Variants in SPEF2 observed in about 807,000 individuals in gnomAD.
SPEF2 encodes sperm flagellar and cilia associated 2, also known as sperm flagella and cilia-associated protein 2.
SPEF2 carries 187 observed loss-of-function variants against 224.6 expected under a neutral mutation model. The ratio of observed to expected loss-of-function variants is 0.83; its 90% CI spans 0.74 to 0.94. The LOEUF (loss-of-function observed/expected upper bound fraction) is 0.94, where lower values mean the gene tolerates loss of function less well. Among genes scored for constraint, SPEF2 ranks in the 40% least tolerant of loss-of-function variants. The probability of loss-of-function intolerance (pLI) is 0.00; values close to 1 mark genes in which losing one functional copy is unlikely to be tolerated. For synonymous variants in SPEF2, 715 were observed against 707.3 expected (o/e 1.01, Z -0.17); for missense variants, 2,170 against 2,135.6 (o/e 1.02, Z -0.32).
At chr5:35,784,007 A>C (rs1754719288) in intron 30 of SPEF2, among the ~76,000 whole-genome samples, 1 of 152,198 alleles carries the variant, frequency 6.6e-6, no homozygotes, top group East Asian at 1.9e-4. Flanking sequence ...AACATAGTTT[A>C]GCAAATTCTA....
At chr5:35,811,847 C>T (rs1490234028) in intron 36 of SPEF2, among the ~76,000 whole-genome samples, 2 of 144,510 alleles carry the variant, frequency 1.4e-5, no homozygotes, top group Non-Finnish European at 3.0e-5. Flanking sequence ...TTCAGTGGTG[C>T]AATCTTGGCT....
At chr5:35,754,176 A>G (rs1019727880) in intron 24 of SPEF2, among the ~76,000 whole-genome samples, 4 of 152,198 alleles carry the variant, frequency 2.6e-5, no homozygotes, top group African/African-American at 9.6e-5. Context: ...CTGAAAATAA[A>G]AAGTTTTCCA....
At chr5:35,778,269 A>G (rs1416884251) in intron 29 of SPEF2, among the ~76,000 whole-genome samples, 3 of 152,214 alleles carry the variant, frequency 2.0e-5, no homozygotes. Context: ...AAACTTCTCT[A>G]GCCTTTAAAA....
intron 8 of SPEF2, among the ~76,000 whole-genome samples, chr5:35,660,236 A>T (rs1019434846): frequency 6.6e-6 from 1 of 152,172 alleles, no homozygotes; most frequent in African/African-American, 2.4e-5. Flanking sequence ...GGGATGTTTC[A>T]GATTTATTTA....
At chr5:35,629,472 GAGA>G (rs980817187) in intron 2 of SPEF2, among the ~76,000 whole-genome samples, 2 of 152,002 alleles carry the variant, frequency 1.3e-5, no homozygotes, top group Admixed American at 6.6e-5. Context: ...CTTCTTTTAA[GAGA>G]AGAAGTGAAA....
chr5:35,633,330 T>C (rs1227178346), intron 2 of SPEF2, among the ~76,000 whole-genome samples: 3 of 152,122 alleles, frequency 2.0e-5, no homozygotes, highest in Non-Finnish European at 4.4e-5. Flanking sequence ...TAGATGCATA[T>C]ATGTTTATAA....
intron 24 of SPEF2, among the ~76,000 whole-genome samples, chr5:35,756,334 C>A (rs1275455222): frequency 6.6e-6 from 1 of 152,150 alleles, no homozygotes; most frequent in Non-Finnish European, 1.5e-5. Context: ...ACTCATCCCC[C>A]ATGGATAAGG....
intron 10 of SPEF2, chr5:35,675,609 C>T (rs1277065408): frequency 5.9e-6 from 1 of 169,710 alleles, no homozygotes; most frequent in Non-Finnish European, 1.3e-5. Context: ...GGCGCAATCT[C>T]GGCTGGCTGC....
intron 4 of SPEF2, 45 bp downstream of exon 4, chr5:35,644,570 A>G: frequency 6.8e-7 from 1 of 1,470,688 alleles, no homozygotes; most frequent in Non-Finnish European, 9.2e-7. Context: ...TGCATAGTAT[A>G]CAGTTTGTGA....
chr5:35,673,160 T>A (rs1751424753), intron 10 of SPEF2, among the ~76,000 whole-genome samples: 1 of 152,108 alleles, frequency 6.6e-6, no homozygotes, highest in Non-Finnish European at 1.5e-5. Context: ...AACATTGAGT[T>A]ATTTAGTAGA....
chr5:35,713,142 T>C (rs1348562070), intron 20 of SPEF2, among the ~76,000 whole-genome samples: 1 of 152,190 alleles, frequency 6.6e-6, no homozygotes, highest in Admixed American at 6.5e-5. Flanking sequence ...TTATCAGAGA[T>C]ATTTTAGCTG....
intron 2 of SPEF2, among the ~76,000 whole-genome samples, chr5:35,640,006 A>G (rs1746376263): frequency 6.6e-6 from 1 of 152,152 alleles, no homozygotes; most frequent in African/African-American, 2.4e-5. Context: ...TAAGCTTCCA[A>G]AGAGAAGTAT....
In SPEF2 at chr5:35,814,504, G is replaced by A. The variant is rs755690345; in HGVS notation, c.5420G>A (p.Gly1807Glu). ...CTCCAAAGGAGTGAACATGTACAAG[G>A]AAGTGATGGAGAGAGATCACCTTCA... Reference protein sequence around the residue: ...IILQRSEHVQGSDGERSPSRH... With the variant: ...IILQRSEHVQESDGERSPSRH... Residue 1807 changes from glycine to glutamate, a missense_variant, in exon 37 of 37, where the codon GGA (glycine) becomes GAA (glutamate). Gly to Glu is a moderately conservative substitution (Grantham distance 98). Transcript: ENST00000356031. 2 of 1,609,248 alleles carry A rather than the reference G, an allele frequency of 1.2e-6. No individual in the cohort carries two copies. Among genetic ancestry groups the A allele is most frequent in the Non-Finnish European group, 1.7e-6 (2 of 1,177,288 alleles).
intron 26 of SPEF2, among the ~76,000 whole-genome samples, chr5:35,770,001 G>C (rs1212420518): frequency 7.4e-4 from 102 of 137,930 alleles, no homozygotes; most frequent in South Asian, 1.3e-3. Context: ...GTGTGTGTGT[G>C]TGTGTGTGTG....
chr5:35,642,138 G>A (rs927686808), intron 3 of SPEF2, among the ~76,000 whole-genome samples: 1 of 152,146 alleles, frequency 6.6e-6, no homozygotes, highest in Non-Finnish European at 1.5e-5. Flanking sequence ...CTGCTAAAAT[G>A]TCTCTCAATC....
At chr5:35,639,206 A>G (rs2149395857) in intron 2 of SPEF2, among the ~76,000 whole-genome samples, 1 of 152,276 alleles carries the variant, frequency 6.6e-6, no homozygotes, top group South Asian at 2.1e-4. Context: ...TGCTTGTCAT[A>G]TACTACAAAG....
chr5:35,730,953 C>T (rs1030931821), intron 21 of SPEF2, among the ~76,000 whole-genome samples: 6 of 152,132 alleles, frequency 3.9e-5, no homozygotes, highest in East Asian at 3.9e-4. Flanking sequence ...GAGCAGTAGG[C>T]GGGGGATACT....
At chr5:35,630,655 C>T (rs1744960749) in intron 2 of SPEF2, among the ~76,000 whole-genome samples, 1 of 151,964 alleles carries the variant, frequency 6.6e-6, no homozygotes, top group South Asian at 2.1e-4. Flanking sequence ...GAGATTGGGC[C>T]ACTGCACTCC....
intron 10 of SPEF2, chr5:35,678,808 C>T (rs938959391): frequency 2.6e-5 from 4 of 152,202 alleles, no homozygotes; most frequent in Non-Finnish European, 5.9e-5. Context: ...CAATCTTTTC[C>T]ACTGTCACCT....
Sources: gnomAD v4.1 joint callset for allele counts (sites outside exome capture counted in the v4.1 genomes callset) on GRCh38, gnomAD v4.1.1 for gene constraint, MANE v1.5 for transcripts, NCBI Gene and HGNC (gene_info 2026-07-23, HGNC 2026-07-21) for gene names.